Variants in CDH4 observed in about 807,000 individuals in gnomAD.
The protein encoded by CDH4 is cadherin 4, also known as cadherin-4.
CDH4 carries 33 observed loss-of-function variants against 86.0 expected under a neutral mutation model. The observed-to-expected ratio is 0.38, with a 90% confidence interval of 0.29 to 0.51. The LOEUF is 0.51. Ranked by LOEUF, CDH4 falls within the 20% of genes least tolerant of loss-of-function variation. The probability of loss-of-function intolerance (pLI) is 0.86; values close to 1 mark genes in which losing one functional copy is unlikely to be tolerated. For synonymous variants in CDH4, 555 were observed against 549.4 expected (o/e 1.01, Z -0.14); for missense variants, 1,114 against 1,307.4 (o/e 0.85, Z 2.28).
chr20:61,726,461 ATAG>A (rs2088112406), intron 2 of CDH4, among the ~76,000 whole-genome samples: 1 of 152,064 alleles, frequency 6.6e-6, no homozygotes, highest in Admixed American at 6.5e-5. Context: ...AAATGGGGTG[ATAG>A]TAGTCCCAGC....
At chr20:61,855,634 C>T (rs1259476211) in intron 6 of CDH4, among the ~76,000 whole-genome samples, 1 of 152,214 alleles carries the variant, frequency 6.6e-6, no homozygotes, top group Non-Finnish European at 1.5e-5. Flanking sequence ...TTTAAAAAAT[C>T]AATAGCAAAA....
intron 2 of CDH4, among the ~76,000 whole-genome samples, chr20:61,424,353 TC>T (rs1208818347): frequency 1.4e-5 from 2 of 144,338 alleles, no homozygotes; most frequent in African/African-American, 5.3e-5. Context: ...CACACTCATA[TC>T]CACACACATA....
chr20:61,558,834 C>A (rs1392864879), intron 2 of CDH4, among the ~76,000 whole-genome samples: 1 of 152,254 alleles, frequency 6.6e-6, no homozygotes, highest in African/African-American at 2.4e-5. Flanking sequence ...AAGGTCTCAC[C>A]TCCGGAGTGG....
intron 6 of CDH4, among the ~76,000 whole-genome samples, chr20:61,861,251 C>A (rs929003414): frequency 6.6e-6 from 1 of 152,210 alleles, no homozygotes; most frequent in Non-Finnish European, 1.5e-5. Flanking sequence ...GCTGAAGATG[C>A]GATCATGCGG....
chr20:61,668,780 C>T (rs1122269), intron 2 of CDH4, among the ~76,000 whole-genome samples: 26,045 of 152,234 alleles, frequency 0.17, 2,841 homozygotes, highest in East Asian at 0.37. Flanking sequence ...CTGGGCCCTC[C>T]ACTTACCGCT....
In CDH4 at chr20:61,676,700, G is replaced by C; in HGVS notation, c.170-66863G>C. ...CACACACCCCCAGGAGCCTATGGAA[G>C]TGACCAGATGATAAACCTTGATGTA... On this transcript the variant is annotated intron_variant, in intron 2 of 15. Coordinates refer to ENST00000614565, the MANE Select transcript of CDH4 (RefSeq NM_001794.5). The surrounding 1 kb of genome is among the most constrained non-coding windows in gnomAD (Gnocchi z 4.5). 6.6e-6 allele frequency among the ~76,000 whole-genome samples: 1 copy of C among 152,238 alleles called. No individual in the cohort carries two copies. The highest frequency in any genetic ancestry group is 1.9e-4 in the East Asian group (1 of 5,198).
chr20:61,482,277 G>A (rs942844186), intron 2 of CDH4, among the ~76,000 whole-genome samples: 1 of 152,216 alleles, frequency 6.6e-6, no homozygotes, highest in African/African-American at 2.4e-5. Flanking sequence ...TGCTCAAGAT[G>A]TTTGTACGTG....
At chr20:61,651,704 A>G (rs185680789) in intron 2 of CDH4, among the ~76,000 whole-genome samples, 1 of 152,302 alleles carries the variant, frequency 6.6e-6, no homozygotes, top group East Asian at 1.9e-4. Context: ...TCCAAATTTA[A>G]TAATTCCCAA....
chr20:61,862,682 C>G (rs1983381131), intron 6 of CDH4, among the ~76,000 whole-genome samples: 1 of 152,214 alleles, frequency 6.6e-6, no homozygotes, highest in African/African-American at 2.4e-5. Context: ...CACCCAGGCT[C>G]TCAGCATTTC....
intron 2 of CDH4, among the ~76,000 whole-genome samples, chr20:61,499,112 C>T (rs1600713780): frequency 1.3e-5 from 2 of 152,192 alleles, no homozygotes; most frequent in Admixed American, 6.5e-5. Flanking sequence ...AAAGGAGCTT[C>T]GGACACCCAG....
intron 2 of CDH4, among the ~76,000 whole-genome samples, chr20:61,274,435 G>T: frequency 7.1e-6 from 1 of 139,864 alleles, no homozygotes; most frequent in South Asian, 2.4e-4. Context: ...GTGCAGTTTG[G>T]GGGAGTACTT....
At chr20:61,694,825 A>C (rs2087699281) in intron 2 of CDH4, among the ~76,000 whole-genome samples, 1 of 152,216 alleles carries the variant, frequency 6.6e-6, no homozygotes, top group Admixed American at 6.5e-5. Flanking sequence ...CACCTTCACA[A>C]GCCTGCTCTG....
chr20:61,743,473 G>A (rs2088368715), intron 2 of CDH4, 90 bp from the exon 3 acceptor site: 5 of 927,722 alleles, frequency 5.4e-6, no homozygotes, highest in South Asian at 4.4e-5. Flanking sequence ...GCCCACTGGG[G>A]GCCTGTAGGG....
At chr20:61,526,979 C>A (rs1315911594) in intron 2 of CDH4, among the ~76,000 whole-genome samples, 1 of 152,372 alleles carries the variant, frequency 6.6e-6, no homozygotes, top group South Asian at 2.1e-4. Context: ...ACCGCCAAGG[C>A]AGCAGTGACA....
intron 2 of CDH4, among the ~76,000 whole-genome samples, chr20:61,338,331 G>C (rs1341995850): frequency 6.6e-6 from 1 of 152,226 alleles, no homozygotes; most frequent in African/African-American, 2.4e-5. Context: ...AGCCAGCAGA[G>C]GTTTTTCCTG....
intron 7 of CDH4, among the ~76,000 whole-genome samples, chr20:61,877,644 C>T (rs757192918): frequency 3.9e-5 from 6 of 152,072 alleles, no homozygotes; most frequent in South Asian, 2.1e-4. Context: ...TTCCAGGGCT[C>T]GTCGGGAACA....
intron 2 of CDH4, among the ~76,000 whole-genome samples, chr20:61,271,754 G>A (rs530368989): frequency 2.3e-4 from 35 of 152,340 alleles, no homozygotes; most frequent in African/African-American, 7.7e-4. Context: ...TGCCCCTCAC[G>A]AGATGGTTCT....
intron 2 of CDH4, among the ~76,000 whole-genome samples, chr20:61,602,707 A>AAAC (rs1251106319): frequency 6.7e-6 from 1 of 150,362 alleles, no homozygotes; most frequent in Non-Finnish European, 1.5e-5. Context: ...AAAAAAAAAA[A>AAAC]AAAAAAAAAA....
chr20:61,497,803 A>C (rs540207393), intron 2 of CDH4, among the ~76,000 whole-genome samples: 3 of 152,262 alleles, frequency 2.0e-5, no homozygotes, highest in East Asian at 3.9e-4. Context: ...ACTTGGAACC[A>C]TCCCAAATGT....
Sources: allele counts gnomAD v4.1 joint callset (sites outside exome capture counted in the v4.1 genomes callset), GRCh38; gene constraint gnomAD v4.1.1; non-coding constraint Gnocchi (gnomAD v3.1); transcripts MANE v1.5; gene names NCBI Gene and HGNC (gene_info 2026-07-23, HGNC 2026-07-21).